The following RGS12 variants were observed in gnomAD, a reference collection of about 807,000 sequenced individuals.
RGS12 encodes regulator of G protein signaling 12, also known as regulator of G-protein signaling 12.
RGS12 carries 66 observed loss-of-function variants against 120.1 expected under a neutral mutation model. The observed-to-expected ratio is 0.55, with a 90% CI of 0.45 to 0.67. RGS12 has a LOEUF of 0.67. Among genes scored for constraint, RGS12 ranks in the 30% least tolerant of loss-of-function variants. RGS12 has a pLI of 0.00. For synonymous variants in RGS12, 827 were observed against 804.7 expected (o/e 1.03, Z -0.47); for missense variants, 1,859 against 1,957.7 (o/e 0.95, Z 0.95).
Position 3,345,451 on chromosome 4 carries a change from A to G in RGS12, c.1998+2398A>G, listed in dbSNP as rs1404421572. 5.3e-5 allele frequency among the ~76,000 whole-genome samples: 8 copies of G among 152,320 alleles called. No individual in the cohort carries two copies. In the East Asian group the frequency reaches 1.5e-3, roughly 29 times the overall value. On this transcript the variant is annotated intron_variant, in intron 3 of 17. Coordinates refer to ENST00000336727, the MANE Select transcript of RGS12 (RefSeq NM_001394154.1). ...AAGCATAGCTGACCAGTCATCCTGC[A>G]GTCAGGCTTTGATTGCCCCTTGGTG...
chr4:3,409,733 T>G (rs1284050840), intron 4 of RGS12, among the ~76,000 whole-genome samples: 1 of 152,186 alleles, frequency 6.6e-6, no homozygotes, highest in Non-Finnish European at 1.5e-5. Flanking sequence ...GAAACACCTT[T>G]TGTTTGAGGA....
At chr4:3,410,300 T>C (rs1286665871) in intron 4 of RGS12, among the ~76,000 whole-genome samples, 2 of 152,252 alleles carry the variant, frequency 1.3e-5, no homozygotes, top group Non-Finnish European at 2.9e-5. Flanking sequence ...TCTGTAGAGA[T>C]AGGGTCTCAC....
chr4:3,313,025 C>T (rs896694589), intron 1 of RGS12: 1 of 152,118 alleles, frequency 6.6e-6, no homozygotes, highest in African/African-American at 2.4e-5. Flanking sequence ...GCACTCCAGT[C>T]TGGGCAATGG....
chr4:3,362,913 G>A (rs1001491466), intron 3 of RGS12, among the ~76,000 whole-genome samples: 3 of 149,572 alleles, frequency 2.0e-5, no homozygotes, highest in Non-Finnish European at 4.5e-5. Context: ...GAGTGTGCAT[G>A]GCAAGGCCAT....
At chr4:3,322,819 G>A (rs1334080167) in intron 2 of RGS12, among the ~76,000 whole-genome samples, 4 of 152,180 alleles carry the variant, frequency 2.6e-5, no homozygotes, top group Non-Finnish European at 5.9e-5. Flanking sequence ...AAGACTCGCT[G>A]AGGTGCTCAG....
rs935181511 is a variant in RGS12, at chr4:3,400,283, A to G, written c.2021-13789A>G. Among the ~76,000 whole-genome samples the G allele has an allele frequency of 4.4e-4, 67 of 152,354 alleles. 1 individual carries two copies. Among genetic ancestry groups the G allele is most frequent in the Admixed American group, 3.6e-3 (55 of 15,304 alleles). ...CAAATCAAATCCAGTAGCATTTTTT[A>G]ATGCATCCTTGTGAAGTTTGGTTTA... On this transcript the variant is annotated intron_variant, in intron 4 of 17. Transcript: ENST00000336727.
intron 2 of RGS12, chr4:3,323,902 AGAG>A (rs1725380429): frequency 6.6e-6 from 1 of 150,856 alleles, no homozygotes; most frequent in Non-Finnish European, 1.5e-5. Context: ...AGAGAGAGAG[AGAG>A]AGAATGCCCC....
chr4:3,409,770 T>C (rs556272793), intron 4 of RGS12, among the ~76,000 whole-genome samples: 5 of 152,240 alleles, frequency 3.3e-5, no homozygotes, highest in African/African-American at 1.2e-4. Flanking sequence ...CCGTGGGGGG[T>C]TGAGCTGTGC....
intron 13 of RGS12, 122 bp from the exon 14 acceptor site, chr4:3,425,342 G>C: frequency 2.3e-6 from 2 of 859,594 alleles, no homozygotes; most frequent in South Asian, 1.5e-5. Flanking sequence ...GCCTCACCTC[G>C]GGGCCATCTC....
Position 3,414,172 on chromosome 4 carries a change from G to C in RGS12, c.2121G>C (p.Arg707Ser). 6.4e-7 allele frequency: 1 copy of C among 1,555,252 alleles called. No individual in the cohort carries two copies. The highest frequency in any genetic ancestry group is 8.7e-7 in the Non-Finnish European group (1 of 1,154,908). Residue 707 changes from arginine to serine, a missense_variant, in exon 5 of 18, where the codon AGG becomes AGC. This residue lies in a region of RGS12 where 967 missense variants were observed against 994.2 expected (regional missense o/e 0.97). Coordinates refer to ENST00000336727, the MANE Select transcript of RGS12 (RefSeq NM_001394154.1). ...AGAGCTGCCGGCGCCTGCGTGAGAGGAGGGTCGCCAGCTGGGCCGTGTCCT... is the reference window on the plus strand; with the variant it reads ...AGAGCTGCCGGCGCCTGCGTGAGAGCAGGGTCGCCAGCTGGGCCGTGTCCT... ...SVQSCRRLRE[R>S]RVASWAVSFE...
rs1051735141 is a variant in RGS12, at chr4:3,313,587, C to T, written c.-101-2483C>T. On this transcript the variant is annotated intron_variant, in intron 1 of 17. Transcript: ENST00000336727. ...ATTCATTCTCCTGCGTTTTCGGGGGCCTCGTGTCTGCAGTCAGTGTGACCT... is the reference window on the plus strand; with the variant it reads ...ATTCATTCTCCTGCGTTTTCGGGGGTCTCGTGTCTGCAGTCAGTGTGACCT... Among the ~76,000 whole-genome samples the T allele has an allele frequency of 2.0e-5, 3 of 152,166 alleles. 1 individual carries two copies. The highest frequency in any genetic ancestry group is 4.4e-5 in the Non-Finnish European group (3 of 68,026).
At chr4:3,382,704 G>A (rs1020851255) in intron 3 of RGS12, among the ~76,000 whole-genome samples, 3 of 151,506 alleles carry the variant, frequency 2.0e-5, no homozygotes, top group African/African-American at 7.3e-5. Context: ...CAGTGTAATT[G>A]TTTTCAGTTC....
intron 1 of RGS12, among the ~76,000 whole-genome samples, chr4:3,311,151 G>A (rs745849926): frequency 1.3e-5 from 2 of 152,108 alleles, no homozygotes; most frequent in Non-Finnish European, 2.9e-5. Flanking sequence ...TCTTCTTCTC[G>A]GTGCCCCCAG....
chr4:3,435,625 C>T (rs1192884848), intron 17 of RGS12, among the ~76,000 whole-genome samples: 1 of 151,890 alleles, frequency 6.6e-6, no homozygotes, highest in Non-Finnish European at 1.5e-5. Context: ...AGCTCCGTGG[C>T]TCCCCAGGGG....
At chr4:3,414,983 G>C (rs552490397) in intron 6 of RGS12, 139 bp downstream of exon 6, 1 of 612,072 alleles carries the variant, frequency 1.6e-6, no homozygotes, top group East Asian at 2.9e-5. Flanking sequence ...GCGTGTGAGA[G>C]GTTGCGTGTG....
intron 2 of RGS12, among the ~76,000 whole-genome samples, chr4:3,323,824 GT>G (rs1182986289): frequency 6.6e-6 from 1 of 150,388 alleles, no homozygotes; most frequent in Non-Finnish European, 1.5e-5. Flanking sequence ...CACCAAAGAG[GT>G]TTTCTAGTTT....
chr4:3,359,923 A>G (rs943577256), intron 3 of RGS12, among the ~76,000 whole-genome samples: 5 of 151,942 alleles, frequency 3.3e-5, no homozygotes, highest in South Asian at 4.1e-4. Context: ...GTGCCTAGCC[A>G]TACTTTTACA....
chr4:3,300,910 GCC>G (rs1020924120), intron 1 of RGS12, among the ~76,000 whole-genome samples: 1 of 152,230 alleles, frequency 6.6e-6, no homozygotes, highest in Non-Finnish European at 1.5e-5. Context: ...TGGGGATTGG[GCC>G]CTGGTATCTT....
At chr4:3,396,251 T>C (rs1229063754) in intron 4 of RGS12, among the ~76,000 whole-genome samples, 1 of 152,254 alleles carries the variant, frequency 6.6e-6, no homozygotes, top group African/African-American at 2.4e-5. Context: ...AGCCTTTCTA[T>C]ACCTTACCTG....
Sources: gnomAD v4.1 joint callset for allele counts (sites outside exome capture counted in the v4.1 genomes callset) on GRCh38, gnomAD v4.1.1 for gene constraint, gnomAD v4.1.1 regional missense constraint, MANE v1.5 for transcripts, NCBI Gene and HGNC (gene_info 2026-07-23, HGNC 2026-07-21) for gene names.